Variants in IMMP2L observed in about 807,000 individuals in gnomAD.
IMMP2L encodes the protein mitochondrial inner membrane protease subunit 2.
Under a neutral mutation model 19.3 loss-of-function variants are expected in IMMP2L, and 18 were observed. The ratio of observed to expected loss-of-function variants is 0.93; its 90% CI spans 0.64 to 1.38. The LOEUF (loss-of-function observed/expected upper bound fraction) is 1.38, where lower values mean the gene tolerates loss of function less well. Among genes scored for constraint, IMMP2L ranks in the 40% most tolerant of loss-of-function variants. IMMP2L has a pLI of 0.00. For synonymous variants in IMMP2L, 76 were observed against 73.0 expected (o/e 1.04, Z -0.21); for missense variants, 233 against 218.2 (o/e 1.07, Z -0.43).
intron 4 of IMMP2L, among the ~76,000 whole-genome samples, chr7:110,958,013 C>T (rs527646234): frequency 2.0e-5 from 3 of 152,052 alleles, no homozygotes; most frequent in Non-Finnish European, 2.9e-5. Context: ...TACGTCTCTC[C>T]GGTATCTAGA....
chr7:111,048,238 CAA>C (rs575701337), intron 3 of IMMP2L, among the ~76,000 whole-genome samples: 1 of 18,352 alleles, frequency 5.4e-5, no homozygotes, highest in Non-Finnish European at 1.4e-4. Context: ...GACTCTGTCT[CAA>C]AAAAAAAAAA....
At chr7:111,161,445 G>A (rs1241493232) in intron 3 of IMMP2L, among the ~76,000 whole-genome samples, 1 of 151,826 alleles carries the variant, frequency 6.6e-6, no homozygotes, top group Non-Finnish European at 1.5e-5. Flanking sequence ...AACTATAAAT[G>A]TCATTTACTA....
chr7:110,924,572 C>T lies in IMMP2L; in HGVS notation c.306-37877G>A, dbSNP rs377370176. 2.6e-5 allele frequency among the ~76,000 whole-genome samples: 4 copies of T among 152,034 alleles called. No individual in the cohort carries two copies. Among genetic ancestry groups the T allele is most frequent in the African/African-American group, 9.7e-5 (4 of 41,396 alleles). On this transcript the variant is annotated intron_variant, in intron 4 of 5. Transcript: ENST00000405709. The surrounding 1 kb of genome is among the most constrained non-coding windows in gnomAD (Gnocchi z 4.2). ...AATGTAAATAAAGGGCAGATAATAACGTCCTCACTAGGAAACAGGATTCTC... is the reference window on the plus strand; with the variant it reads ...AATGTAAATAAAGGGCAGATAATAATGTCCTCACTAGGAAACAGGATTCTC...
At chr7:111,347,078 T>C (rs1235420474) in intron 3 of IMMP2L, among the ~76,000 whole-genome samples, 2 of 152,090 alleles carry the variant, frequency 1.3e-5, no homozygotes, top group Non-Finnish European at 2.9e-5. Context: ...AAAGGCAGTC[T>C]AGAACGACTG....
At chr7:110,744,958 C>A (rs1797236505) in intron 5 of IMMP2L, among the ~76,000 whole-genome samples, 1 of 152,116 alleles carries the variant, frequency 6.6e-6, no homozygotes. Context: ...CTCCTCTGAG[C>A]TAAAGGAGCA....
rs191215979 is a variant in IMMP2L, at chr7:110,703,274, T to A, written c.409-39553A>T. 7.2e-5 allele frequency among the ~76,000 whole-genome samples: 11 copies of A among 152,324 alleles called. No individual in the cohort carries two copies. In the East Asian group the frequency reaches 2.1e-3, roughly 29 times the overall value. Reference sequence around the variant, plus strand: ...GTTAAACACCCTTGCATTCCAGAGATAATCCCCATTTGGTAACAACATATT... The same window carrying A: ...GTTAAACACCCTTGCATTCCAGAGAAAATCCCCATTTGGTAACAACATATT... On this transcript the variant is annotated intron_variant, in intron 5 of 5. Coordinates refer to ENST00000405709, the MANE Select transcript of IMMP2L (RefSeq NM_032549.4).
At chr7:111,374,415 G>A (rs1351374804) in intron 3 of IMMP2L, among the ~76,000 whole-genome samples, 1 of 152,050 alleles carries the variant, frequency 6.6e-6, no homozygotes, top group African/African-American at 2.4e-5. Context: ...AGAACTTAGT[G>A]ATGAGAAGCT....
At position 111,115,757 on chromosome 7, in the gene IMMP2L, T is replaced by G. The variant is rs950615312; in HGVS notation, c.240-152192A>C. On this transcript the variant is annotated intron_variant, in intron 3 of 5. Coordinates refer to ENST00000405709, the MANE Select transcript of IMMP2L (RefSeq NM_032549.4). ...ATCTGGGCTCACTGCAGCCACCGCC[T>G]CCCAGGTTCCAGCGATTCTCGTGCC... Among the ~76,000 whole-genome samples the G allele has an allele frequency of 5.9e-5, 9 of 152,220 alleles. No homozygotes were observed. The East Asian group carries it at 1.7e-3, about 29-fold the overall frequency.
intron 3 of IMMP2L, among the ~76,000 whole-genome samples, chr7:111,367,674 G>A (rs914586468): frequency 5.9e-5 from 9 of 151,846 alleles, no homozygotes; most frequent in African/African-American, 2.2e-4. Flanking sequence ...GGAAAAAACA[G>A]AAATAGAAAG....
rs144249247 is a variant in IMMP2L, at chr7:110,849,045, G to A, written c.408+37548C>T. On this transcript the variant is annotated intron_variant, in intron 5 of 5. Transcript: ENST00000405709. ...CCATAGAATGTACACAACCAAGAAC[G>A]AACTCTAATGTGAACTATAGACTTT... Among the ~76,000 whole-genome samples, 457 of 152,106 alleles carry A rather than the reference G, an allele frequency of 3.0e-3. 2 individuals are homozygous for A. The highest frequency in any genetic ancestry group is 4.8e-3 in the Non-Finnish European group (329 of 67,948).
chr7:110,847,828 G>C (rs1805818924), intron 5 of IMMP2L, among the ~76,000 whole-genome samples: 1 of 152,082 alleles, frequency 6.6e-6, no homozygotes, highest in East Asian at 1.9e-4. Context: ...TCAAAAAATA[G>C]TGCTGGAACA....
chr7:111,101,364 C>T (rs28733335), intron 3 of IMMP2L, among the ~76,000 whole-genome samples: 5,470 of 151,328 alleles, frequency 0.036, 306 homozygotes, highest in African/African-American at 0.12. Flanking sequence ...ATCATATATT[C>T]GTGTCTGTGA....
chr7:111,087,329 G>A (rs1196731730), intron 3 of IMMP2L, among the ~76,000 whole-genome samples: 1 of 151,752 alleles, frequency 6.6e-6, no homozygotes, highest in African/African-American at 2.4e-5. Context: ...CGCGCCTATA[G>A]TCCCAGCTAC....
At chr7:111,125,472 T>A (rs1412739037) in intron 3 of IMMP2L, 1 of 167,014 alleles carries the variant, frequency 6.0e-6, no homozygotes, top group Non-Finnish European at 1.5e-5. Flanking sequence ...TGATCAGATA[T>A]CATTTAAATG....
At chr7:110,862,800 C>T (rs553714115) in intron 5 of IMMP2L, among the ~76,000 whole-genome samples, 24 of 152,054 alleles carry the variant, frequency 1.6e-4, no homozygotes, top group East Asian at 1.4e-3. Context: ...ATTTGTACAG[C>T]GAACAGCCTT....
At chr7:110,676,741 A>G (rs1792328748) in intron 5 of IMMP2L, among the ~76,000 whole-genome samples, 1 of 152,206 alleles carries the variant, frequency 6.6e-6, no homozygotes, top group Non-Finnish European at 1.5e-5. Flanking sequence ...ATCTATCCCT[A>G]CAAAGAACTG....
chr7:110,791,174 C>A (rs1800434860), intron 5 of IMMP2L, among the ~76,000 whole-genome samples: 1 of 151,704 alleles, frequency 6.6e-6, no homozygotes, highest in South Asian at 2.1e-4. Flanking sequence ...TTTCTCCCAA[C>A]ATGCACATAA....
At chr7:111,073,436 TA>T (rs1795130453) in intron 3 of IMMP2L, among the ~76,000 whole-genome samples, 1 of 152,198 alleles carries the variant, frequency 6.6e-6, no homozygotes, top group Admixed American at 6.5e-5. Flanking sequence ...AATTGAAAGT[TA>T]AAAATTTAAA....
intron 4 of IMMP2L, among the ~76,000 whole-genome samples, chr7:110,896,014 G>A (rs927280533): frequency 6.6e-6 from 1 of 152,040 alleles, no homozygotes; most frequent in Non-Finnish European, 1.5e-5. Context: ...TAGAGATGGT[G>A]TCTTGCTATG....
Sources: allele counts gnomAD v4.1 joint callset (sites outside exome capture counted in the v4.1 genomes callset), GRCh38; gene constraint gnomAD v4.1.1; non-coding constraint Gnocchi (gnomAD v3.1); transcripts MANE v1.5; gene names NCBI Gene and HGNC (gene_info 2026-07-23, HGNC 2026-07-21).